Variants in NCOR2 observed in about 807,000 individuals in gnomAD.
NCOR2 encodes the protein CTG repeat protein 26.
NCOR2 carries 81 observed loss-of-function variants against 262.9 expected under a neutral mutation model. That is an observed-to-expected ratio of 0.31 (90% CI 0.26 to 0.37). NCOR2 has a LOEUF of 0.37. Among genes scored for constraint, NCOR2 ranks in the 10% least tolerant of loss-of-function variants. NCOR2 has a pLI of 1.00. For missense variants in NCOR2, 3,385 were observed against 3,621.4 expected (o/e 0.93, Z 1.68); for synonymous variants, 1,659 against 1,559.3 (o/e 1.06, Z -1.51).
rs1332533905 is a variant in NCOR2 at position 124,454,315 on chromosome 12, C to G, written c.762+2791G>C. On this transcript the variant is annotated intron_variant, in intron 6 of 46. Transcript: ENST00000405201. This position sits in a 1 kb window ranked among gnomAD's most constrained non-coding sequence, Gnocchi z 5.6. ...ACCAAGCCAGGGGCCTTCAAGAGTC[C>G]AAACACTAGATCTTAGCCTCCTGTG... is the stretch of plus-strand genomic sequence containing the variant. Among the ~76,000 whole-genome samples, 1 of 152,164 alleles carries G rather than the reference C, an allele frequency of 6.6e-6. No homozygotes were observed. Among genetic ancestry groups the G allele is most frequent in the Non-Finnish European group, 1.5e-5 (1 of 68,030 alleles).
chr12:124,533,184 T>C (rs2050939505), intron 1 of NCOR2, among the ~76,000 whole-genome samples: 2 of 150,854 alleles, frequency 1.3e-5, no homozygotes, highest in African/African-American at 2.5e-5. Context: ...GCAGATGACC[T>C]GCAGGGCTGA....
chr12:124,335,327 G>T, intron 39 of NCOR2, 47 bp from the exon 42 acceptor site: 1 of 1,520,796 alleles, frequency 6.6e-7, no homozygotes, highest in Non-Finnish European at 8.8e-7. Context: ...TGGCCCCAGG[G>T]CTGCTGGGCC....
chr12:124,519,129 C>CACACACACACACACAT (rs2050030330), intron 1 of NCOR2, among the ~76,000 whole-genome samples: 3 of 148,346 alleles, frequency 2.0e-5, no homozygotes, highest in Admixed American at 2.0e-4. Context: ...CACACACACA[C>CACACACACACACACAT]ACAGGCCAAC....
upstream of NCOR2, among the ~76,000 whole-genome samples, chr12:124,537,603 G>A (rs910968061): frequency 1.3e-5 from 2 of 152,250 alleles, no homozygotes; most frequent in Non-Finnish European, 2.9e-5. Context: ...TGTTGTGAGT[G>A]TAAAGTGCCC....
chr12:124,551,061 A>G (rs1050058513), intron 1 of NCOR2, among the ~76,000 whole-genome samples: 1 of 152,260 alleles, frequency 6.6e-6, no homozygotes, highest in African/African-American at 2.4e-5. Context: ...CATACAGATA[A>G]AAATAATGAT....
At chr12:124,388,710 G>C in intron 16 of NCOR2, 4 of 1,304,296 alleles carry the variant, frequency 3.1e-6, no homozygotes, top group Non-Finnish European at 4.0e-6. Flanking sequence ...TCTCCCCCTC[G>C]GCCAAGTTTT....
intron 13 of NCOR2, among the ~76,000 whole-genome samples, chr12:124,404,918 T>A (rs1672816433): frequency 1.3e-5 from 2 of 152,180 alleles, no homozygotes; most frequent in South Asian, 2.1e-4. Flanking sequence ...CTGGTCACAT[T>A]CTGCAGAGGA....
chr12:124,401,367 G>A (rs1412707451), intron 14 of NCOR2, among the ~76,000 whole-genome samples: 1 of 152,160 alleles, frequency 6.6e-6, no homozygotes, highest in Non-Finnish European at 1.5e-5. Context: ...CTTTCTTCTG[G>A]GCTGGTGGTT....
chr12:124,404,737 TC>T (rs1173550890), intron 13 of NCOR2, among the ~76,000 whole-genome samples: 3 of 152,046 alleles, frequency 2.0e-5, no homozygotes, highest in Non-Finnish European at 4.4e-5. Flanking sequence ...TCCCCACAGA[TC>T]CCCGAGAGCT....
chr12:124,454,483 T>G lies in NCOR2; in HGVS notation c.762+2623A>C, dbSNP rs1425840623. Among the ~76,000 whole-genome samples, 1 of 152,176 alleles carries G rather than the reference T, an allele frequency of 6.6e-6. No individual in the cohort carries two copies. Among genetic ancestry groups the G allele is most frequent in the African/African-American group, 2.4e-5 (1 of 41,438 alleles). ...ACACCAGCAGCTGCCCACCCCCATC[T>G]GCCCACAGACTCCCACGGACAGGGG... On this transcript the variant is annotated intron_variant, in intron 6 of 46. Transcript: ENST00000405201. This position sits in a 1 kb window ranked among gnomAD's most constrained non-coding sequence, Gnocchi z 5.6.
At chr12:124,429,525 G>A (rs970093357) in intron 10 of NCOR2, 88 bp downstream of exon 12, 56 of 1,381,970 alleles carry the variant, frequency 4.1e-5, no homozygotes, top group East Asian at 3.5e-4. Flanking sequence ...TAAACCACCC[G>A]GGAGGTGGTT....
intron 6 of NCOR2, among the ~76,000 whole-genome samples, chr12:124,456,342 G>A (rs1565959536): frequency 1.3e-5 from 2 of 152,190 alleles, no homozygotes; most frequent in Non-Finnish European, 2.9e-5. Context: ...ATGGCTGTGG[G>A]GCAGGCAGGG....
intron 13 of NCOR2, among the ~76,000 whole-genome samples, chr12:124,404,699 G>C (rs1373998565): frequency 6.6e-6 from 1 of 152,194 alleles, no homozygotes; most frequent in Non-Finnish European, 1.5e-5. Flanking sequence ...AAGCCCCAAG[G>C]AAGAAGAGGC....
intron 13 of NCOR2, among the ~76,000 whole-genome samples, chr12:124,412,789 C>T (rs765025554): frequency 6.6e-6 from 1 of 152,256 alleles, no homozygotes; most frequent in Non-Finnish European, 1.5e-5. Context: ...TGGATCTCGG[C>T]CTTATTGTGG....
chr12:124,373,111 G>GAGGGCA (rs1460284348), intron 19 of NCOR2, among the ~76,000 whole-genome samples: 1 of 152,284 alleles, frequency 6.6e-6, no homozygotes, highest in Non-Finnish European at 1.5e-5. Flanking sequence ...TGGCAATTGT[G>GAGGGCA]AGGGCAAGGG....
In NCOR2 at chr12:124,427,249, G is replaced by C. The variant is rs1317954959; in HGVS notation, c.1150-449C>G. On this transcript the variant is annotated intron_variant, in intron 10 of 46. Transcript: ENST00000405201. ...TGCAGGCAGCCCAGGGGCGCAGAGAGGGTCAGCGCCTCGCTGGTGGAGAGG... is the reference window on the plus strand; with the variant it reads ...TGCAGGCAGCCCAGGGGCGCAGAGACGGTCAGCGCCTCGCTGGTGGAGAGG... 5.3e-5 allele frequency among the ~76,000 whole-genome samples: 8 copies of C among 152,294 alleles called. No homozygotes were observed. In the South Asian group the frequency reaches 1.7e-3, roughly 32 times the overall value.
chr12:124,521,701 T>C (rs747241623), intron 1 of NCOR2, among the ~76,000 whole-genome samples: 1 of 152,180 alleles, frequency 6.6e-6, no homozygotes, highest in African/African-American at 2.4e-5. Flanking sequence ...ATTGTGATTG[T>C]ACTAAGAACT....
intron 6 of NCOR2, among the ~76,000 whole-genome samples, chr12:124,455,705 C>T (rs2045810820): frequency 6.6e-6 from 1 of 152,264 alleles, no homozygotes; most frequent in Non-Finnish European, 1.5e-5. Context: ...GAGCCTTTAA[C>T]AGGCAGCACT....
intron 2 of NCOR2, 56 bp downstream of exon 4, chr12:124,486,385 C>G (rs2047768892): frequency 1.3e-6 from 2 of 1,596,780 alleles, no homozygotes; most frequent in Non-Finnish European, 1.7e-6. Flanking sequence ...CTCTGCTTCT[C>G]CATCTGAGAA....
Sources: allele counts gnomAD v4.1 joint callset (sites outside exome capture counted in the v4.1 genomes callset), GRCh38; gene constraint gnomAD v4.1.1; non-coding constraint Gnocchi (gnomAD v3.1); transcripts MANE v1.5; gene names NCBI Gene and HGNC (gene_info 2026-07-23, HGNC 2026-07-21).